The following EFCAB13 variants were observed in gnomAD, a reference collection of about 807,000 sequenced individuals.
The protein encoded by EFCAB13 is EF-hand calcium binding domain 13.
Under a neutral mutation model 110.2 loss-of-function variants are expected in EFCAB13, and 91 were observed. The observed-to-expected ratio is 0.83, with a 90% CI of 0.70 to 0.98. The LOEUF (loss-of-function observed/expected upper bound fraction) is 0.98, where lower values mean the gene tolerates loss of function less well. EFCAB13 is among the 50% of genes least tolerant of loss of function. EFCAB13 has a pLI of 0.00. For synonymous variants in EFCAB13, 323 were observed against 369.9 expected (o/e 0.87, Z 1.45); for missense variants, 968 against 1,119.4 (o/e 0.86, Z 1.93).
chr17:47,349,768 T>G (rs1267978479), intron 9 of EFCAB13, among the ~76,000 whole-genome samples: 6,336 of 134,784 alleles, frequency 0.047, 173 homozygotes, highest in East Asian at 0.097. Context: ...TCTTTTTTTT[T>G]TTTTTTTTTT....
At chr17:47,338,174 C>G (rs1228980084) in intron 5 of EFCAB13, among the ~76,000 whole-genome samples, 1 of 151,318 alleles carries the variant, frequency 6.6e-6, no homozygotes, top group Non-Finnish European at 1.5e-5. Context: ...TATAAAGCAC[C>G]AGTAAACTGC....
intron 19 of EFCAB13, among the ~76,000 whole-genome samples, 163 bp downstream of exon 19, chr17:47,404,184 C>T (rs931333936): frequency 6.6e-6 from 1 of 152,086 alleles, no homozygotes; most frequent in African/African-American, 2.4e-5. Flanking sequence ...TCTATACAAG[C>T]GGGTCTAGAT....
chr17:47,325,890 T>C (rs973494023), intron 2 of EFCAB13, among the ~76,000 whole-genome samples: 4 of 142,942 alleles, frequency 2.8e-5, no homozygotes, highest in African/African-American at 7.8e-5. Flanking sequence ...AACATAAGCT[T>C]CATGAGGGCA....
chr17:47,409,809 T>G, intron 21 of EFCAB13, 118 bp downstream of exon 21: 2 of 773,380 alleles, frequency 2.6e-6, no homozygotes, highest in Non-Finnish European at 4.4e-6. Context: ...GATTACTATT[T>G]TTCCACAATA....
rs531724509 is a variant in EFCAB13 at position 47,408,479 on chromosome 17, C to T, written c.2234-1168C>T. On this transcript the variant is annotated intron_variant, in intron 20 of 24. Coordinates refer to ENST00000331493, the MANE Select transcript of EFCAB13 (RefSeq NM_152347.5). Reference sequence around the variant, plus strand: ...CAATCTGACCAACATGGTGAAATCCCGTCTCTACTAAAAAAATACAAAAAT... The same window carrying T: ...CAATCTGACCAACATGGTGAAATCCTGTCTCTACTAAAAAAATACAAAAAT... 2.3e-4 allele frequency among the ~76,000 whole-genome samples: 35 copies of T among 152,140 alleles called. No homozygotes were observed. The South Asian group carries it at 7.3e-3, about 32-fold the overall frequency.
chr17:47,386,448 G>C (rs908593798), intron 14 of EFCAB13, among the ~76,000 whole-genome samples: 4 of 152,110 alleles, frequency 2.6e-5, no homozygotes, highest in Admixed American at 1.3e-4. Flanking sequence ...GCTGTCAGGG[G>C]AAAACAAGCC....
chr17:47,411,636 TTAG>T (rs1196857076), intron 21 of EFCAB13, among the ~76,000 whole-genome samples: 33 of 152,184 alleles, frequency 2.2e-4, no homozygotes, highest in African/African-American at 8.0e-4. Flanking sequence ...AAAATAACTG[TTAG>T]TAGAATGAAT....
At chr17:47,384,390 G>C (rs2065664753) in intron 14 of EFCAB13, among the ~76,000 whole-genome samples, 2 of 149,296 alleles carry the variant, frequency 1.3e-5, no homozygotes, top group Non-Finnish European at 3.0e-5. Flanking sequence ...AGTTGATGCA[G>C]TTTCTTCATA....
At position 47,378,342 on chromosome 17, in the gene EFCAB13, A is replaced by G. The variant is rs76394503; in HGVS notation, c.1510+439A>G. On this transcript the variant is annotated intron_variant, in intron 13 of 24. Transcript: ENST00000331493. ...CAGGTATGCTTAGCAGTTAACATTT[A>G]GATGTTGAGTGGCATATCCCAGTCA... 8.6e-3 allele frequency among the ~76,000 whole-genome samples: 1,309 copies of G among 152,300 alleles called. 13 individuals are homozygous for G. The highest frequency in any genetic ancestry group is 0.027 in the African/African-American group (1,117 of 41,576).
chr17:47,326,737 G>C (rs1324463828), intron 3 of EFCAB13, among the ~76,000 whole-genome samples: 1 of 152,176 alleles, frequency 6.6e-6, no homozygotes, highest in Non-Finnish European at 1.5e-5. Context: ...AAGAGATTAC[G>C]TAGGATGGGT....
At position 47,429,932 on chromosome 17, in the gene EFCAB13, C is replaced by A. The variant is rs768735563; in HGVS notation, c.2609C>A (p.Thr870Asn). The change falls in exon 24 of 25, where the codon ACT becomes AAT. Residue 870 changes from threonine (T) to asparagine (N), a missense_variant. Coordinates refer to ENST00000331493, the MANE Select transcript of EFCAB13 (RefSeq NM_152347.5). ...CTTCATACAGCTAATGCTATACTTA[C>A]TGTAATGTTAAGACATGTACCTGAA... is the stretch of plus-strand genomic sequence containing the variant. The part of the protein sequence containing the change: ...KDLHTANAIL[T>N]VMLRHVPEHE... 6.2e-7 allele frequency: 1 copy of A among 1,608,722 alleles called. No individual in the cohort carries two copies.
intron 10 of EFCAB13, among the ~76,000 whole-genome samples, chr17:47,362,157 A>G (rs1488352502): frequency 6.6e-6 from 1 of 152,202 alleles, no homozygotes; most frequent in Non-Finnish European, 1.5e-5. Context: ...GTATAGTTAT[A>G]CTAGATATAG....
At chr17:47,356,463 G>A (rs1022336737) in intron 9 of EFCAB13, among the ~76,000 whole-genome samples, 11 of 152,170 alleles carry the variant, frequency 7.2e-5, no homozygotes, top group Non-Finnish European at 1.5e-4. Context: ...GGCTTCCTGA[G>A]AGCCAAACTG....
intron 9 of EFCAB13, among the ~76,000 whole-genome samples, chr17:47,359,058 C>A (rs951101619): frequency 2.6e-5 from 4 of 152,184 alleles, no homozygotes; most frequent in Admixed American, 6.5e-5. Context: ...TGAGACCAGG[C>A]ATGGTGGCTC....
intron 14 of EFCAB13, 81 bp from the exon 15 acceptor site, chr17:47,391,356 T>C: frequency 9.1e-7 from 1 of 1,097,740 alleles, no homozygotes; most frequent in East Asian, 2.8e-5. Context: ...AATTTAGTGT[T>C]AGAACTAAAA....
chr17:47,425,086 G>C (rs1598765655), intron 23 of EFCAB13, among the ~76,000 whole-genome samples: 1 of 149,984 alleles, frequency 6.7e-6, no homozygotes, highest in Non-Finnish European at 1.5e-5. Flanking sequence ...GTTTCACCGT[G>C]TTAGCCAGGA....
At chr17:47,371,648 C>G (rs887360874) in intron 11 of EFCAB13, among the ~76,000 whole-genome samples, 1 of 152,128 alleles carries the variant, frequency 6.6e-6, no homozygotes, top group Non-Finnish European at 1.5e-5. Flanking sequence ...GAGTCACGCT[C>G]TGTCACCCAG....
Position 47,347,896 on chromosome 17 carries a change from A to T in EFCAB13, c.606A>T (p.Arg202Ser). The change falls in exon 9 of 25, where the codon AGA becomes AGT. Residue 202 changes from arginine to serine, a missense_variant. Coordinates refer to ENST00000331493, the MANE Select transcript of EFCAB13 (RefSeq NM_152347.5). ...TTCCAGTGATCCTTTGCATCTTGAG[A>T]ATTTCTATAAGTGATTTAGAAATGC... ...NDLPVILCIL[R>S]ISISDLEMRQ... 1 of 1,547,622 alleles carries T rather than the reference A, an allele frequency of 6.5e-7. No homozygotes were observed. Among genetic ancestry groups the T allele is most frequent in the Non-Finnish European group, 8.8e-7 (1 of 1,137,090 alleles).
intron 13 of EFCAB13, among the ~76,000 whole-genome samples, chr17:47,378,303 G>A (rs72825670): frequency 0.012 from 1,890 of 152,236 alleles, 21 homozygotes; most frequent in South Asian, 0.02. Context: ...ACAAAATACG[G>A]GGGAATTTAG....
Sources: gnomAD v4.1 joint callset for allele counts (sites outside exome capture counted in the v4.1 genomes callset) on GRCh38, gnomAD v4.1.1 for gene constraint, MANE v1.5 for transcripts, NCBI Gene and HGNC (gene_info 2026-07-23, HGNC 2026-07-21) for gene names.